C6orf132: variants seen among roughly 807,000 people sequenced by gnomAD.
C6orf132 encodes the protein uncharacterized protein C6orf132.
In C6orf132, 43 loss-of-function variants were observed where a neutral mutation model predicts 65.3. The observed-to-expected ratio is 0.66, with a 90% CI of 0.52 to 0.85. The LOEUF (loss-of-function observed/expected upper bound fraction) is 0.85. Ranked by LOEUF, C6orf132 falls within the 40% of genes least tolerant of loss-of-function variation. The pLI, the probability that C6orf132 is intolerant of heterozygous loss-of-function variation, is 0.00. For synonymous variants in C6orf132, 631 were observed against 654.1 expected, an observed-to-expected ratio of 0.96 and a Z score of 0.54; for missense variants, 1,488 against 1,548.8, an observed-to-expected ratio of 0.96 and a Z score of 0.66.
At chr6:42,110,395 C>T (rs574000686) in intron 2 of C6orf132, 104 bp from the exon 3 acceptor site, 101 of 858,074 alleles carry the variant, frequency 1.2e-4, no homozygotes, top group South Asian at 1.1e-3. Context: ...TCTGCAGTGA[C>T]GGTCATGGTT....
rs1767051216 is a variant in C6orf132, at chr6:42,142,351, G to A, written c.94C>T (p.Pro32Ser). 4 of 1,551,426 alleles carry A rather than the reference G, an allele frequency of 2.6e-6. No homozygotes were observed. In the East Asian group the frequency reaches 7.3e-5, roughly 28 times the overall value. The change falls in exon 1 of 5, where the codon CCG (proline) becomes TCG (serine). Residue 32 changes from proline to serine, a missense_variant. Transcript: ENST00000341865. Reference sequence around the variant, plus strand: ...GCCTCCTGGGTGAAGATCCAGGGCGGATTGGTGGCGTAGAGGGAGGTGCTG... The same window carrying A: ...GCCTCCTGGGTGAAGATCCAGGGCGAATTGGTGGCGTAGAGGGAGGTGCTG... The part of the protein sequence containing the change: ...TPSTSLYATN[P>S]PWIFTQEAPE...
At position 42,135,390 on chromosome 6, in the gene C6orf132, T is replaced by G. The variant is rs1302080952; in HGVS notation, c.146-6612A>C. On this transcript the variant is annotated intron_variant, in intron 1 of 4. Transcript: ENST00000341865. ...ACAGGCAGACCTGGCTCTCTCAGCCTGGGCTGGGGTACGTGTTAAATGTGG... is the reference window on the plus strand; with the variant it reads ...ACAGGCAGACCTGGCTCTCTCAGCCGGGGCTGGGGTACGTGTTAAATGTGG... 5.3e-5 allele frequency among the ~76,000 whole-genome samples: 8 copies of G among 152,360 alleles called. No individual in the cohort carries two copies. In the East Asian group the frequency reaches 1.5e-3, roughly 29 times the overall value.
At position 42,128,547 on chromosome 6, in the gene C6orf132, C is replaced by T. The variant is rs535801067; in HGVS notation, c.252+125G>A. ...GCCTCCTTCCAGTAGCCCCCCTTCCCGCCGGGTCAGCATCAGGAAGGAAGG... is the reference window on the plus strand; with the variant it reads ...GCCTCCTTCCAGTAGCCCCCCTTCCTGCCGGGTCAGCATCAGGAAGGAAGG... On this transcript the variant is annotated intron_variant, in intron 2 of 4. Transcript: ENST00000341865. 1.9e-3 allele frequency: 1,299 copies of T among 699,494 alleles called. 2 individuals are homozygous for T. Among genetic ancestry groups the T allele is most frequent in the African/African-American group, 3.9e-3 (218 of 56,522 alleles). 43.3% of individuals were successfully genotyped at this position (699,494 alleles called of 1,614,324 possible). A position where few individuals can be genotyped will look rare whatever the true frequency, so the allele number is the denominator to read the frequency against.
At chr6:42,107,611 G>T in intron 3 of C6orf132, 28 bp from the exon 4 acceptor site, 1 of 1,550,448 alleles carries the variant, frequency 6.4e-7, no homozygotes. Context: ...AAAGATGGGG[G>T]GCAGGAACAA....
At position 42,106,694 on chromosome 6, in the gene C6orf132, T is replaced by A. The variant is rs561803117; in HGVS notation, c.1218A>T (p.Pro406=). ...GTGCAGCTGGGGGAAGTGGGGGTGC[T>A]GGGGGAGGGAGGGGGGGTGCAGGAG... is the stretch of plus-strand genomic sequence containing the variant. ...LPPPAPPLPP[P]APPLPPAAPP... The change falls in exon 4 of 5, where the codon CCA becomes CCT. Residue 406 remains proline, a synonymous_variant. Transcript: ENST00000341865. 189 of 450,166 alleles carry A rather than the reference T, an allele frequency of 4.2e-4. 2 individuals carry two copies. The South Asian group carries it at 7.3e-3, about 17-fold the overall frequency. 27.9% of individuals were successfully genotyped at this position (450,166 alleles called of 1,614,324 possible). A position where few individuals can be genotyped will look rare whatever the true frequency, so the allele number is the denominator to read the frequency against.
At chr6:42,133,081 A>G (rs1766878690) in intron 1 of C6orf132, among the ~76,000 whole-genome samples, 1 of 152,068 alleles carries the variant, frequency 6.6e-6, no homozygotes, top group Non-Finnish European at 1.5e-5. Context: ...AACAAAGACA[A>G]CAGAGCTCAA....
chr6:42,104,347 C>CA lies in C6orf132; in HGVS notation c.3449+115dup. ...GGGCCTCCCTCCCGCGTTCTACCTG[C>CA]AAGGCCGAAGGGAGAAAACCAAATG... is the stretch of plus-strand genomic sequence containing the variant. On this transcript the variant is annotated intron_variant, in intron 4 of 4. Transcript: ENST00000341865. The surrounding 1 kb of genome is among the most constrained non-coding windows in gnomAD (Gnocchi z 4.1). 8.2e-7 allele frequency: 1 copy of CA among 1,222,684 alleles called. No individual in the cohort carries two copies. Among genetic ancestry groups the CA allele is most frequent in the Non-Finnish European group, 1.0e-6 (1 of 982,396 alleles). The allele number at this position is 1,222,684 out of a possible 1,614,324, so 75.7% of individuals were successfully genotyped here.
chr6:42,123,296 T>A (rs183875390), intron 2 of C6orf132, among the ~76,000 whole-genome samples: 2,367 of 151,090 alleles, frequency 0.016, 23 homozygotes, highest in Middle Eastern at 0.068. Context: ...GGCAGGAGAA[T>A]GGCTTGAACC....
rs1320906400 is a variant in C6orf132, at chr6:42,101,290, T to C, written c.*2471A>G. The C allele has an allele frequency of 6.6e-6, 1 of 152,212 alleles. No homozygotes were observed. Among genetic ancestry groups the C allele is most frequent in the Non-Finnish European group, 1.5e-5 (1 of 68,050 alleles). 9.4% of individuals were successfully genotyped at this position (152,212 alleles called of 1,614,324 possible). The stretch of plus-strand genomic sequence containing the variant: ...CACAAGAGGCCTTCCCTGACTACCC[T>C]GTTAAAGTAAATCCACTCCTCTCCC... On this transcript the variant is annotated 3_prime_UTR_variant, in exon 5 of 5. Coordinates refer to ENST00000341865, the MANE Select transcript of C6orf132 (RefSeq NM_001164446.3).
chr6:42,105,607 A>G lies in C6orf132; in HGVS notation c.2305T>C (p.Tyr769His). 4 of 1,536,914 alleles carry G rather than the reference A, an allele frequency of 2.6e-6. No individual in the cohort carries two copies. The highest frequency in any genetic ancestry group is 1.2e-5 in the South Asian group (1 of 84,066). The part of the protein sequence containing the change: ...SPGGGEVPCL[Y>H]KPHCHQSSLS... ...CTGCTCTGGTGGCAGTGGGGCTTGT[A>G]GAGACATGGCACCTCTCCTCCACCA... The change falls in exon 4 of 5, where the codon TAC becomes CAC. Residue 769 changes from tyrosine to histidine, a missense_variant. Transcript: ENST00000341865.
In C6orf132 at chr6:42,138,294, T is replaced by C. The variant is rs368825884; in HGVS notation, c.145+4006A>G. Among the ~76,000 whole-genome samples, 7 of 152,164 alleles carry C rather than the reference T, an allele frequency of 4.6e-5. No individual in the cohort carries two copies. In the East Asian group the frequency reaches 5.8e-4, roughly 13 times the overall value. ...CCCAAAGTGCTGGGGTTGTTTTTGT[T>C]TTTGTTTTTTGTTTTGAAACAGGGT... On this transcript the variant is annotated intron_variant, in intron 1 of 4. Coordinates refer to ENST00000341865, the MANE Select transcript of C6orf132 (RefSeq NM_001164446.3).
At chr6:42,114,435 C>A (rs993220707) in intron 2 of C6orf132, among the ~76,000 whole-genome samples, 1 of 152,186 alleles carries the variant, frequency 6.6e-6, no homozygotes, top group African/African-American at 2.4e-5. Context: ...CCCACATGGG[C>A]CCACATGGGC....
chr6:42,120,767 G>T (rs1279889494), intron 2 of C6orf132, among the ~76,000 whole-genome samples: 1 of 151,742 alleles, frequency 6.6e-6, no homozygotes, highest in East Asian at 1.9e-4. Context: ...GACTACAGGT[G>T]CATGCCACCA....
chr6:42,119,709 C>T (rs953291025), intron 2 of C6orf132, among the ~76,000 whole-genome samples: 1 of 151,830 alleles, frequency 6.6e-6, no homozygotes, highest in Non-Finnish European at 1.5e-5. Flanking sequence ...AGGCTGGTCT[C>T]GAACTCCAAG....
intron 2 of C6orf132, among the ~76,000 whole-genome samples, chr6:42,110,883 T>C (rs1382642223): frequency 6.6e-6 from 1 of 152,238 alleles, no homozygotes; most frequent in Non-Finnish European, 1.5e-5. Flanking sequence ...CAAGCATTGA[T>C]TCTGGGGTTA....
chr6:42,141,492 G>T (rs138250896), intron 1 of C6orf132, among the ~76,000 whole-genome samples: 1 of 152,348 alleles, frequency 6.6e-6, no homozygotes, highest in African/African-American at 2.4e-5. Context: ...GCAATGATAA[G>T]ATGACCCACA....
At chr6:42,123,888 A>T (rs536976985) in intron 2 of C6orf132, among the ~76,000 whole-genome samples, 1 of 152,216 alleles carries the variant, frequency 6.6e-6, no homozygotes, top group Admixed American at 6.5e-5. Context: ...CGGCTCCCCA[A>T]GCTGGAAGGT....
chr6:42,123,427 GAGA>G (rs770979048), intron 2 of C6orf132, among the ~76,000 whole-genome samples: 2 of 144,642 alleles, frequency 1.4e-5, no homozygotes, highest in South Asian at 2.2e-4. Flanking sequence ...AAGAAGAAAG[GAGA>G]AGGAGAAGGA....
chr6:42,135,502 C>T (rs982662646), intron 1 of C6orf132, among the ~76,000 whole-genome samples: 8 of 152,174 alleles, frequency 5.3e-5, no homozygotes, highest in African/African-American at 1.4e-4. Flanking sequence ...GCTCCCCGAG[C>T]GGAGGAGCCT....
Sources: gnomAD v4.1 joint callset for allele counts (sites outside exome capture counted in the v4.1 genomes callset) on GRCh38, gnomAD v4.1.1 for gene constraint, Gnocchi (gnomAD v3.1) non-coding constraint, MANE v1.5 for transcripts, NCBI Gene and HGNC (gene_info 2026-07-23, HGNC 2026-07-21) for gene names.